The following AKAP19 variants were observed in gnomAD, a reference collection of about 807,000 sequenced individuals.
AKAP19 encodes the protein A-kinase anchoring protein 19, also known as small A-kinase anchoring protein.
At chr2:190,187,674 A>T in the AKAP19 span, among the ~76,000 whole-genome samples, 2 of 152,188 alleles carry the variant, frequency 1.3e-5, no homozygotes, top group African/African-American at 4.8e-5. Context: ...AGCCTGGGCA[A>T]TATGGCTGTC....
At chr2:190,112,852 G>A in the AKAP19 span, among the ~76,000 whole-genome samples, 2 of 152,012 alleles carry the variant, frequency 1.3e-5, no homozygotes, top group African/African-American at 4.8e-5. Flanking sequence ...GACTATACTA[G>A]CACTATAAAA....
At chr2:190,035,854 C>G in the AKAP19 span, among the ~76,000 whole-genome samples, 1 of 152,122 alleles carries the variant, frequency 6.6e-6, no homozygotes, top group Non-Finnish European at 1.5e-5. Flanking sequence ...TGGTCTGTTA[C>G]GAGTGAAGCA....
chr2:190,181,267 G>T, the AKAP19 span: 1 of 503,556 alleles, frequency 2.0e-6, no homozygotes, highest in Non-Finnish European at 2.6e-6. Flanking sequence ...GCCGTGGATA[G>T]AGCCTCACAT....
the AKAP19 span, among the ~76,000 whole-genome samples, chr2:190,195,508 T>C: frequency 5.9e-5 from 9 of 152,238 alleles, no homozygotes; most frequent in East Asian, 1.3e-3. Context: ...CTGAATGACA[T>C]GATGTTGAAC....
the AKAP19 span, among the ~76,000 whole-genome samples, chr2:189,886,338 T>C: frequency 3.3e-5 from 5 of 152,326 alleles, no homozygotes; most frequent in South Asian, 1.0e-3. Flanking sequence ...TGTCATGTTT[T>C]GTCTAGATAT....
chr2:190,180,687 A>C, the AKAP19 span: 2 of 985,142 alleles, frequency 2.0e-6, no homozygotes, highest in South Asian at 9.4e-5. This position sits in a 1 kb window ranked among gnomAD's most constrained non-coding sequence, Gnocchi z 6.8. Context: ...ACCCTCTGCC[A>C]CCCGAAGTTC....
the AKAP19 span, among the ~76,000 whole-genome samples, chr2:190,172,412 T>C: frequency 6.6e-6 from 1 of 152,226 alleles, no homozygotes; most frequent in East Asian, 1.9e-4. Context: ...ATGGTATAGA[T>C]CGTTGTCCAG....
the AKAP19 span, among the ~76,000 whole-genome samples, chr2:190,114,457 T>C: frequency 6.6e-6 from 1 of 152,162 alleles, no homozygotes; most frequent in Non-Finnish European, 1.5e-5. Flanking sequence ...TGTTTGTTTG[T>C]TTGTTTGTTT....
the AKAP19 span, among the ~76,000 whole-genome samples, chr2:189,893,708 C>T: frequency 1.3e-5 from 2 of 152,198 alleles, no homozygotes; most frequent in African/African-American, 4.8e-5. Flanking sequence ...ATCTGTACAG[C>T]TGGCCCTCTC....
chr2:189,953,957 T>C, the AKAP19 span, among the ~76,000 whole-genome samples: 1 of 152,120 alleles, frequency 6.6e-6, no homozygotes, highest in African/African-American at 2.4e-5. Flanking sequence ...CATGAAAACA[T>C]TGTCAGAGAG....
At chr2:190,011,214 C>A in the AKAP19 span, among the ~76,000 whole-genome samples, 1 of 151,950 alleles carries the variant, frequency 6.6e-6, no homozygotes, top group African/African-American at 2.4e-5. Context: ...CCTACCAACA[C>A]ATCCAGCTAA....
the AKAP19 span, among the ~76,000 whole-genome samples, chr2:189,940,017 C>T: frequency 1.6e-3 from 247 of 152,190 alleles, no homozygotes; most frequent in African/African-American, 5.7e-3. Flanking sequence ...CGGTGGCTCA[C>T]GCCTGTAATC....
At chr2:190,193,203 T>C in the AKAP19 span, among the ~76,000 whole-genome samples, 1 of 152,038 alleles carries the variant, frequency 6.6e-6, no homozygotes, top group Non-Finnish European at 1.5e-5. Flanking sequence ...TTTTTCTGTT[T>C]CTACTGAGGT....
At chr2:189,893,670 C>T in the AKAP19 span, among the ~76,000 whole-genome samples, 7 of 152,148 alleles carry the variant, frequency 4.6e-5, no homozygotes, top group African/African-American at 1.4e-4. Context: ...GTTCGGCCAT[C>T]GTGCCAGCCA....
chr2:190,109,989 C>G, the AKAP19 span, among the ~76,000 whole-genome samples: 1 of 152,200 alleles, frequency 6.6e-6, no homozygotes, highest in African/African-American at 2.4e-5. Flanking sequence ...TGAACCCCAG[C>G]TCCAGAGCTT....
chr2:190,160,148 G>A, the AKAP19 span, among the ~76,000 whole-genome samples: 1 of 152,052 alleles, frequency 6.6e-6, no homozygotes, highest in Non-Finnish European at 1.5e-5. Context: ...TCAATCTTAG[G>A]TTATTTTGAT....
chr2:189,983,080 T>C, the AKAP19 span, among the ~76,000 whole-genome samples: 1 of 152,088 alleles, frequency 6.6e-6, no homozygotes, highest in Non-Finnish European at 1.5e-5. Flanking sequence ...TGGAAAGATA[T>C]CATGTTGGGG....
At chr2:190,013,157 A>AT in the AKAP19 span, among the ~76,000 whole-genome samples, 5 of 152,256 alleles carry the variant, frequency 3.3e-5, no homozygotes, top group African/African-American at 9.6e-5. Context: ...ATCTTCTTCA[A>AT]TTTTTTGGAA....
chr2:190,056,935 A>T, the AKAP19 span: 3 of 285,112 alleles, frequency 1.1e-5, no homozygotes, highest in Non-Finnish European at 2.0e-5. Context: ...TTTAAAGCAT[A>T]CTCCTTTAAT....
Sources: allele counts gnomAD v4.1 joint callset (sites outside exome capture counted in the v4.1 genomes callset), GRCh38; gene constraint gnomAD v4.1.1; non-coding constraint Gnocchi (gnomAD v3.1); transcripts MANE v1.5; gene names NCBI Gene and HGNC (gene_info 2026-07-23, HGNC 2026-07-21).